The following TXLNB variants were observed in gnomAD, a reference collection of about 807,000 sequenced individuals.
TXLNB encodes taxilin beta, also known as beta-taxilin.
Under a neutral mutation model 57.4 loss-of-function variants are expected in TXLNB, and 37 were observed. That is an observed-to-expected ratio of 0.64 (90% CI 0.50 to 0.85). TXLNB has a LOEUF of 0.85. Among genes scored for constraint, TXLNB ranks in the 40% least tolerant of loss-of-function variants. The pLI is 0.00. For missense variants in TXLNB, 848 were observed against 825.6 expected (o/e 1.03, Z -0.33); for synonymous variants, 302 against 309.6 (o/e 0.98, Z 0.26).
At chr6:139,166,751 C>T in the TXLNB span, 26 of 1,613,668 alleles carry the variant, frequency 1.6e-5, no homozygotes, top group Middle Eastern at 1.6e-4. Flanking sequence ...TTCCATGGAC[C>T]GGCAGAACTC....
At chr6:139,228,776 TCA>T in the TXLNB span, among the ~76,000 whole-genome samples, 2 of 152,268 alleles carry the variant, frequency 1.3e-5, no homozygotes, top group African/African-American at 4.8e-5. Context: ...TGGCTTCAGT[TCA>T]CACAAACCCC....
At position 139,262,557 on chromosome 6, in the gene TXLNB, AGTTGTTT is replaced by A; in HGVS notation, c.882+15_882+21del. 1 of 1,602,916 alleles carries A rather than the reference AGTTGTTT, an allele frequency of 6.2e-7. No individual in the cohort carries two copies. The highest frequency in any genetic ancestry group is 1.1e-5 in the South Asian group (1 of 89,152). On this transcript the variant is annotated intron_variant, in intron 5 of 9. Coordinates refer to ENST00000358430, the MANE Select transcript of TXLNB (RefSeq NM_153235.4). ...AGATCCGGATCTATGTACTGTTCTA[AGTTGTTT>A]GATGTGGTTCTCACCTCCTCTCTGA...
At chr6:139,184,625 CACTT>C in the TXLNB span, among the ~76,000 whole-genome samples, 1 of 152,100 alleles carries the variant, frequency 6.6e-6, no homozygotes, top group Non-Finnish European at 1.5e-5. Context: ...TCATTTTACT[CACTT>C]GGGGATCTAG....
At chr6:139,278,512 A>C (rs972777859) in intron 2 of TXLNB, among the ~76,000 whole-genome samples, 18 of 152,170 alleles carry the variant, frequency 1.2e-4, no homozygotes, top group Admixed American at 2.0e-4. Flanking sequence ...CCCTCTACTG[A>C]CAGGGATGGA....
chr6:139,298,223 T>C, the TXLNB span, among the ~76,000 whole-genome samples: 8 of 152,222 alleles, frequency 5.3e-5, no homozygotes, highest in African/African-American at 1.9e-4. Context: ...TGTATAAATA[T>C]TGGGTGCTAC....
At chr6:139,173,309 C>T in the TXLNB span, among the ~76,000 whole-genome samples, 2 of 152,180 alleles carry the variant, frequency 1.3e-5, no homozygotes, top group African/African-American at 4.8e-5. Context: ...TTTCCACATC[C>T]CAGACACTGT....
At chr6:139,188,615 A>T in the TXLNB span, among the ~76,000 whole-genome samples, 58 of 151,998 alleles carry the variant, frequency 3.8e-4, no homozygotes, top group African/African-American at 1.4e-3. Flanking sequence ...TCTGAAAGAG[A>T]AATTTCACTC....
downstream of TXLNB, among the ~76,000 whole-genome samples, chr6:139,237,964 T>G (rs1420665101): frequency 1.3e-5 from 2 of 152,224 alleles, no homozygotes; most frequent in East Asian, 3.8e-4. Flanking sequence ...TGAATAATTT[T>G]TGTGCCATAG....
At chr6:139,203,193 T>C in the TXLNB span, among the ~76,000 whole-genome samples, 5 of 152,204 alleles carry the variant, frequency 3.3e-5, no homozygotes, top group African/African-American at 1.2e-4. Flanking sequence ...GGTGCAGATA[T>C]CTCTTCGCTA....
rs181189752 is a variant in TXLNB, at chr6:139,289,001, T to A, written c.-14-88A>T. The A allele has an allele frequency of 4.2e-4, 390 of 929,748 alleles. 1 individual carries two copies. Among genetic ancestry groups the A allele is most frequent in the Non-Finnish European group, 5.4e-4 (335 of 624,668 alleles). The allele number at this position is 929,748 out of a possible 1,614,324, so 57.6% of individuals were successfully genotyped here. A position where few individuals can be genotyped will look rare whatever the true frequency, so the allele number is the denominator to read the frequency against. ...TTCAATGGTAAGGATATCCCCCAAG[T>A]GAATACCAACTAATTATAGTCTCTA... is the stretch of plus-strand genomic sequence containing the variant. On this transcript the variant is annotated intron_variant, in intron 1 of 9. Transcript: ENST00000358430.
the TXLNB span, among the ~76,000 whole-genome samples, chr6:139,229,232 A>G: frequency 6.6e-6 from 1 of 152,176 alleles, no homozygotes; most frequent in Non-Finnish European, 1.5e-5. Flanking sequence ...GAGTATACCC[A>G]TTTGCCCTCA....
At chr6:139,290,969 A>C (rs1298204415) in intron 1 of TXLNB, among the ~76,000 whole-genome samples, 1 of 152,248 alleles carries the variant, frequency 6.6e-6, no homozygotes, top group Non-Finnish European at 1.5e-5. Flanking sequence ...ATGCTCACCA[A>C]ACACTCATAA....
the TXLNB span, among the ~76,000 whole-genome samples, chr6:139,210,481 GTAGA>G: frequency 2.0e-5 from 3 of 152,214 alleles, no homozygotes; most frequent in Admixed American, 6.5e-5. Flanking sequence ...CAACCAACAA[GTAGA>G]TAAAGAAAAT....
chr6:139,176,991 C>T, the TXLNB span: 423 of 872,648 alleles, frequency 4.8e-4, 4 homozygotes, highest in South Asian at 5.1e-3. The surrounding 1 kb of genome is among the most constrained non-coding windows in gnomAD (Gnocchi z 4.5). Flanking sequence ...ACGTGAGGAT[C>T]GGGATGCAGT....
At chr6:139,163,633 C>T in the TXLNB span, among the ~76,000 whole-genome samples, 6 of 152,284 alleles carry the variant, frequency 3.9e-5, no homozygotes, top group East Asian at 1.9e-4. Context: ...GGATTACAGG[C>T]GTGAGCCACT....
chr6:139,194,221 G>A, the TXLNB span, among the ~76,000 whole-genome samples: 3 of 152,188 alleles, frequency 2.0e-5, no homozygotes, highest in East Asian at 1.9e-4. Context: ...GATTACAGGC[G>A]TGAGCCACCG....
rs547011454 is a variant in TXLNB at position 139,270,274 on chromosome 6, C to T, written c.687+182G>A. 9.9e-5 allele frequency among the ~76,000 whole-genome samples: 15 copies of T among 152,160 alleles called. No individual in the cohort carries two copies. In the East Asian group the frequency reaches 1.7e-3, roughly 18 times the overall value. ...TGAAGCTGGTCTAATCTCCATTTTA[C>T]GGATGAAGAAAGTAGCTCAAGGAGG... On this transcript the variant is annotated intron_variant, in intron 4 of 9. Transcript: ENST00000358430.
At chr6:139,194,926 C>T in the TXLNB span, among the ~76,000 whole-genome samples, 18 of 152,224 alleles carry the variant, frequency 1.2e-4, no homozygotes, top group Non-Finnish European at 2.5e-4. Context: ...TATTTGTTTT[C>T]TCTCGTTGCT....
chr6:139,182,327 A>T, the TXLNB span, among the ~76,000 whole-genome samples: 1 of 152,224 alleles, frequency 6.6e-6, no homozygotes, highest in South Asian at 2.1e-4. Flanking sequence ...TACCAATGTA[A>T]TTTATGGTCA....
Sources: allele counts gnomAD v4.1 joint callset (sites outside exome capture counted in the v4.1 genomes callset), GRCh38; gene constraint gnomAD v4.1.1; non-coding constraint Gnocchi (gnomAD v3.1); transcripts MANE v1.5; gene names NCBI Gene and HGNC (gene_info 2026-07-23, HGNC 2026-07-21).